LNPK: variants seen among roughly 807,000 people sequenced by gnomAD.
LNPK encodes lunapark, ER junction formation factor.
LNPK carries 29 observed loss-of-function variants against 55.2 expected under a neutral mutation model. The observed-to-expected ratio is 0.53, with a 90% CI of 0.39 to 0.72. LNPK has a LOEUF of 0.72. LNPK is among the 30% of genes least tolerant of loss of function. The pLI is 0.00. For missense variants in LNPK, 467 were observed against 494.8 expected, an observed-to-expected ratio of 0.94 and a Z score of 0.53; for synonymous variants, 162 against 168.2, an observed-to-expected ratio of 0.96 and a Z score of 0.29.
At chr2:175,956,337 T>C (rs1043004981) in intron 8 of LNPK, among the ~76,000 whole-genome samples, 1 of 151,356 alleles carries the variant, frequency 6.6e-6, no homozygotes, top group East Asian at 1.9e-4. Context: ...CTGATCATTC[T>C]CCCTATTTCA....
chr2:175,964,349 G>A (rs1686220544), intron 8 of LNPK, 23 bp downstream of exon 8: 3 of 1,601,328 alleles, frequency 1.9e-6, no homozygotes, highest in Admixed American at 1.7e-5. Context: ...AACAGCAGCA[G>A]CAGTTTCTAC....
At chr2:175,958,900 A>G (rs1390236792) in intron 8 of LNPK, among the ~76,000 whole-genome samples, 2 of 152,216 alleles carry the variant, frequency 1.3e-5, no homozygotes, top group East Asian at 1.9e-4. Flanking sequence ...GCTGAAAACC[A>G]TAGCACGAGA....
At chr2:175,994,342 C>T in intron 2 of LNPK, 2 of 983,840 alleles carry the variant, frequency 2.0e-6, no homozygotes, top group Non-Finnish European at 2.4e-6. Context: ...ATTATAAGGT[C>T]ATAACAGGGT....
intron 5 of LNPK, among the ~76,000 whole-genome samples, chr2:175,973,460 A>T (rs1686751850): frequency 6.6e-6 from 1 of 152,234 alleles, no homozygotes; most frequent in African/African-American, 2.4e-5. Context: ...CTGTTGTTGA[A>T]TAATACAATG....
chr2:175,979,961 G>A, intron 4 of LNPK, 93 bp from the exon 5 acceptor site: 2 of 1,175,816 alleles, frequency 1.7e-6, no homozygotes, highest in Non-Finnish European at 2.4e-6. Flanking sequence ...TCCAATTAGA[G>A]TTAGGTACAT....
intron 4 of LNPK, among the ~76,000 whole-genome samples, chr2:175,990,107 C>T (rs1229641472): frequency 6.6e-6 from 1 of 152,192 alleles, no homozygotes; most frequent in Non-Finnish European, 1.5e-5. Flanking sequence ...CGAGTCCAGC[C>T]CTCAAAACTG....
intron 6 of LNPK, among the ~76,000 whole-genome samples, chr2:175,965,391 A>G (rs1288334257): frequency 6.6e-6 from 1 of 152,204 alleles, no homozygotes; most frequent in Admixed American, 6.5e-5. Flanking sequence ...ACATCAGAAA[A>G]AGTTGAACTT....
intron 4 of LNPK, among the ~76,000 whole-genome samples, chr2:175,989,721 T>A (rs1687603011): frequency 6.6e-6 from 1 of 152,188 alleles, no homozygotes; most frequent in African/African-American, 2.4e-5. Flanking sequence ...ATATTATGAT[T>A]TAAGTTTCAG....
chr2:175,992,374 T>C lies in LNPK; in HGVS notation c.114A>G (p.Leu38=), dbSNP rs1268990652. Residue 38 remains leucine, a synonymous_variant, in exon 4 of 13, where the codon TTA becomes TTG. Transcript: ENST00000272748. ...LEEFREKNQR[L]QKLWVGRLIL... ...TTAATCTTCCAACCCATAATTTTTG[T>C]AATCTCTGATTTTTTTCCCTAAATT... 1 of 1,516,736 alleles carries C rather than the reference T, an allele frequency of 6.6e-7. No individual in the cohort carries two copies. Among genetic ancestry groups the C allele is most frequent in the Non-Finnish European group, 8.8e-7 (1 of 1,138,678 alleles). 94.0% of individuals were successfully genotyped at this position (1,516,736 alleles called of 1,614,324 possible).
rs1683922752 is a variant in LNPK, at chr2:175,924,590, C to T, written c.*5377G>A. On this transcript the variant is annotated 3_prime_UTR_variant, in exon 13 of 13. Transcript: ENST00000272748. ...TTAACAGTTGAGATCTAAGTTCTGG[C>T]TTGGCTCAGGTGCCTGCTATCCCTA... is the stretch of plus-strand genomic sequence containing the variant. 1 of 151,612 alleles carries T rather than the reference C, an allele frequency of 6.6e-6. No individual in the cohort carries two copies. The highest frequency in any genetic ancestry group is 1.5e-5 in the Non-Finnish European group (1 of 68,006). 9.4% of individuals were successfully genotyped at this position (151,612 alleles called of 1,614,324 possible). A position where few individuals can be genotyped will look rare whatever the true frequency, so the allele number is the denominator to read the frequency against.
intron 4 of LNPK, among the ~76,000 whole-genome samples, chr2:175,987,304 A>C (rs1231533368): frequency 6.6e-6 from 1 of 152,216 alleles, no homozygotes; most frequent in East Asian, 1.9e-4. Context: ...CTGGACTAAG[A>C]AAATGTGGCA....
In LNPK at chr2:175,929,902, G is replaced by A. The variant is rs188837792; in HGVS notation, c.*65C>T. On this transcript the variant is annotated 3_prime_UTR_variant, in exon 13 of 13. Coordinates refer to ENST00000272748, the MANE Select transcript of LNPK (RefSeq NM_030650.3). Reference sequence around the variant, plus strand: ...AGGGGCAAAAAAAGTAAGTGCCACCGAAAAAGCAATAACTGACATCAGTAA... The same window carrying A: ...AGGGGCAAAAAAAGTAAGTGCCACCAAAAAAGCAATAACTGACATCAGTAA... 274 of 1,591,870 alleles carry A rather than the reference G, an allele frequency of 1.7e-4. 1 individual carries two copies. In the African/African-American group the frequency reaches 3.0e-3, roughly 18 times the overall value.
intron 8 of LNPK, among the ~76,000 whole-genome samples, chr2:175,959,712 T>C (rs187042581): frequency 1.3e-3 from 196 of 152,212 alleles, no homozygotes; most frequent in African/African-American, 4.6e-3. Context: ...CATATAACAA[T>C]ATTAACCTTA....
At chr2:175,930,275 A>AAC (rs35338571) in intron 12 of LNPK, 76 bp from the exon 13 acceptor site, 71,331 of 644,820 alleles carry the variant, frequency 0.11, 1,585 homozygotes, top group Non-Finnish European at 0.12. Context: ...AAAAAAGATA[A>AAC]ACACACACAC....
At chr2:175,976,665 G>A (rs147598359) in intron 5 of LNPK, among the ~76,000 whole-genome samples, 5 of 152,250 alleles carry the variant, frequency 3.3e-5, no homozygotes, top group East Asian at 3.9e-4. Flanking sequence ...CACCATGCCC[G>A]ACTCCCTGGA....
rs762602903 is a variant in LNPK, at chr2:176,002,243, C to G, written c.-146G>C. On this transcript the variant is annotated 5_prime_UTR_variant, in exon 1 of 13. Coordinates refer to ENST00000272748, the MANE Select transcript of LNPK (RefSeq NM_030650.3). The stretch of plus-strand genomic sequence containing the variant: ...CCGCCCAGCCTGCCTCCAGAGCAGG[C>G]AGCAGCCGCCACTGACAGAGAGACA... The G allele has an allele frequency of 2.2e-6, 1 of 451,278 alleles. No individual in the cohort carries two copies. The highest frequency in any genetic ancestry group is 4.4e-6 in the Non-Finnish European group (1 of 225,520). The allele number at this position is 451,278 out of a possible 1,614,324, so 28.0% of individuals were successfully genotyped here. A position where few individuals can be genotyped will look rare whatever the true frequency, so the allele number is the denominator to read the frequency against.
Position 175,930,079 on chromosome 2 carries a change from T to A in LNPK, c.1175A>T (p.Lys392Ile). The A allele has an allele frequency of 6.2e-7, 1 of 1,614,120 alleles. No homozygotes were observed. The highest frequency in any genetic ancestry group is 1.1e-5 in the South Asian group (1 of 91,080). ...GGCTTCCTCATTCTCAGTCTCTTGT[T>A]TCTCCTCTGGTTCCTCTGAGTCAGA... The part of the protein sequence containing the change: ...KASDSEEPEE[K>I]QETENEEASV... Residue 392 changes from lysine (K) to isoleucine (I), a missense_variant, in exon 13 of 13, where the codon AAA becomes ATA. Coordinates refer to ENST00000272748, the MANE Select transcript of LNPK (RefSeq NM_030650.3).
At chr2:175,944,876 T>C (rs1442830792) in intron 9 of LNPK, among the ~76,000 whole-genome samples, 1 of 152,046 alleles carries the variant, frequency 6.6e-6, no homozygotes, top group Non-Finnish European at 1.5e-5. Flanking sequence ...ATTATAGCTA[T>C]TAGTAAATAA....
chr2:175,937,384 T>C lies in LNPK; in HGVS notation c.1014A>G (p.Pro338=), dbSNP rs764316272. Residue 338 remains proline, a synonymous_variant, in exon 12 of 13, where the codon CCA becomes CCG. Transcript: ENST00000272748. ...TGTCTGATGAAAGCACACTTCCTGA[T>C]GGCAAGGGACCAACTGAACTTGAAC... The part of the protein sequence containing the change: ...VEGSSSVGPL[P]SGSVLSSDNQ... The C allele has an allele frequency of 1.3e-5, 21 of 1,613,834 alleles. No individual in the cohort carries two copies. In the South Asian group the frequency reaches 2.2e-4, roughly 17 times the overall value.
Sources: allele counts gnomAD v4.1 joint callset (sites outside exome capture counted in the v4.1 genomes callset), GRCh38; gene constraint gnomAD v4.1.1; transcripts MANE v1.5; gene names NCBI Gene and HGNC (gene_info 2026-07-23, HGNC 2026-07-21).